OR51M1: variants seen among roughly 807,000 people sequenced by gnomAD.
OR51M1 encodes olfactory receptor 51M1.
For synonymous variants in OR51M1, 199 were observed against 155.1 expected (o/e 1.28, Z -2.10); for missense variants, 509 against 404.4 (o/e 1.26, Z -2.22).
Position 5,392,182 on chromosome 11 carries a change from T to C in OR51M1, c.*1803T>C, listed in dbSNP as rs1232038833. On this transcript the variant is annotated 3_prime_UTR_variant, in exon 3 of 3. Transcript: ENST00000642046. ...ATGTTTGTGTGGTATCTCATGTTTG[T>C]ATGTGTGGGTGTTATCAGACTCTCA... is the stretch of plus-strand genomic sequence containing the variant. The C allele has an allele frequency of 6.6e-6, 1 of 152,270 alleles. No individual in the cohort carries two copies. Among genetic ancestry groups the C allele is most frequent in the African/African-American group, 2.4e-5 (1 of 41,474 alleles). The allele number at this position is 152,270 out of a possible 1,614,324, so 9.4% of individuals were successfully genotyped here. A position where few individuals can be genotyped will look rare whatever the true frequency, so the allele number is the denominator to read the frequency against.
At chr11:5,388,454 G>C (rs1175312646) in intron 2 of OR51M1, among the ~76,000 whole-genome samples, 1 of 150,978 alleles carries the variant, frequency 6.6e-6, no homozygotes, top group Non-Finnish European at 1.5e-5. Context: ...TATATTAGTA[G>C]AAGTTAACTA....
Position 5,389,626 on chromosome 11 carries a change from C to T in OR51M1, c.228C>T (p.Ser76=). 6.2e-7 allele frequency: 1 copy of T among 1,613,738 alleles called. No homozygotes were observed. Residue 76 remains serine, a synonymous_variant, in exon 3 of 3, where the codon TCC becomes TCT. Coordinates refer to ENST00000642046, the MANE Select transcript of OR51M1 (RefSeq NM_001004756.3). ...RLHTPMYYLL[S]LLALTDLGLC... is the part of the protein sequence containing the mutation. ...ACACACCCATGTACTATCTACTATC[C>T]TTGCTGGCCCTCACTGACCTGGGGC...
At chr11:5,387,676 C>T (rs1368861092) in intron 2 of OR51M1, among the ~76,000 whole-genome samples, 1 of 152,124 alleles carries the variant, frequency 6.6e-6, no homozygotes, top group Non-Finnish European at 1.5e-5. Flanking sequence ...GTCTTTTAAA[C>T]TTGTCAAGCT....
rs1849822470 is a variant in OR51M1 at position 5,393,177 on chromosome 11, C to T, written c.*2798C>T. ...TCCTGTTTGCTCACAGTTCTAAATC[C>T]ATCTCCTAGGTCAGTGATCAATAAA... On this transcript the variant is annotated 3_prime_UTR_variant, in exon 3 of 3. Transcript: ENST00000642046. The T allele has an allele frequency of 6.6e-6, 1 of 152,026 alleles. No individual in the cohort carries two copies. The highest frequency in any genetic ancestry group is 1.5e-5 in the Non-Finnish European group (1 of 67,988). The allele number at this position is 152,026 out of a possible 1,614,324, so 9.4% of individuals were successfully genotyped here.
At chr11:5,387,280 C>G (rs1849709785) in intron 2 of OR51M1, among the ~76,000 whole-genome samples, 1 of 151,864 alleles carries the variant, frequency 6.6e-6, no homozygotes, top group Non-Finnish European at 1.5e-5. Flanking sequence ...AACTATTGCA[C>G]AAAAAAATCA....
intron 2 of OR51M1, 63 bp downstream of exon 2, chr11:5,385,521 C>A (rs1849675024): frequency 1.3e-5 from 2 of 151,884 alleles, no homozygotes; most frequent in Admixed American, 1.3e-4. Context: ...TATAGTGGTA[C>A]CTACCACATC....
chr11:5,390,386 G>C lies in OR51M1; in HGVS notation c.*7G>C. On this transcript the variant is annotated 3_prime_UTR_variant, in exon 3 of 3. Transcript: ENST00000642046. ...TAAAAAGGCCAGTAAATGAGTCCTG[G>C]GGCTAAAACTCCCCCTAGAGGCCTA... is the stretch of plus-strand genomic sequence containing the variant. 1 of 1,576,738 alleles carries C rather than the reference G, an allele frequency of 6.3e-7. No individual in the cohort carries two copies. The highest frequency in any genetic ancestry group is 8.6e-7 in the Non-Finnish European group (1 of 1,159,300).
chr11:5,390,684 A>C lies in OR51M1; in HGVS notation c.*305A>C, dbSNP rs1263253095. 1.1e-5 allele frequency: 3 copies of C among 283,096 alleles called. No individual in the cohort carries two copies. The highest frequency in any genetic ancestry group is 1.6e-4 in the South Asian group (2 of 12,466). 17.5% of individuals were successfully genotyped at this position (283,096 alleles called of 1,614,324 possible). A position where few individuals can be genotyped will look rare whatever the true frequency, so the allele number is the denominator to read the frequency against. On this transcript the variant is annotated 3_prime_UTR_variant, in exon 3 of 3. Coordinates refer to ENST00000642046, the MANE Select transcript of OR51M1 (RefSeq NM_001004756.3). ...TAAAATGAAACTAAATAAAAACTAA[A>C]AAGAACAATAAATACCAGAGCACCC...
In OR51M1 at chr11:5,392,709, G is replaced by A. The variant is rs11037205; in HGVS notation, c.*2330G>A. The A allele has an allele frequency of 0.13, 19,374 of 152,260 alleles. 1,352 individuals are homozygous for A. The highest frequency in any genetic ancestry group is 0.16 in the Non-Finnish European group (10,747 of 68,040). The allele number at this position is 152,260 out of a possible 1,614,324, so 9.4% of individuals were successfully genotyped here. A position where few individuals can be genotyped will look rare whatever the true frequency, so the allele number is the denominator to read the frequency against. Reference sequence around the variant, plus strand: ...GGGTGGATCACGAGGTCAGGAGATCGAGACCATCCTGGCTAACACGGTGGA... The same window carrying A: ...GGGTGGATCACGAGGTCAGGAGATCAAGACCATCCTGGCTAACACGGTGGA... On this transcript the variant is annotated 3_prime_UTR_variant, in exon 3 of 3. Coordinates refer to ENST00000642046, the MANE Select transcript of OR51M1 (RefSeq NM_001004756.3).
At position 5,389,651 on chromosome 11, in the gene OR51M1, C is replaced by CTG; in HGVS notation, c.261_262dup (p.Ser88CysfsTer43). 2 of 1,613,638 alleles carry CTG rather than the reference C, an allele frequency of 1.2e-6. No individual in the cohort carries two copies. The highest frequency in any genetic ancestry group is 1.7e-6 in the Non-Finnish European group (2 of 1,179,906). On this transcript the variant is annotated frameshift_variant, in exon 3 of 3. Transcript: ENST00000642046. LOFTEE classifies it low-confidence loss of function (END_TRUNC). ...CTTGCTGGCCCTCACTGACCTGGGG[C>CTG]TGTGTGTGTCCACGTTGCCCACCAC...
chr11:5,389,887 G>A lies in OR51M1; in HGVS notation c.489G>A (p.Arg163=). 2.5e-6 allele frequency: 4 copies of A among 1,612,678 alleles called. No homozygotes were observed. The highest frequency in any genetic ancestry group is 3.4e-6 in the Non-Finnish European group (4 of 1,179,876). ...GAGCAGGCCTAATTGTCATCTTCCG[G>A]GGACCTGTGGCCACTATCCCTATTG... ...VVRAGLIVIF[R]GPVATIPIVL... The change falls in exon 3 of 3, where the codon CGG becomes CGA. Residue 163 remains arginine (R), a synonymous_variant. Coordinates refer to ENST00000642046, the MANE Select transcript of OR51M1 (RefSeq NM_001004756.3).
intron 1 of OR51M1, among the ~76,000 whole-genome samples, chr11:5,385,025 T>C (rs1441296034): frequency 6.6e-6 from 1 of 152,208 alleles, no homozygotes; most frequent in East Asian, 1.9e-4. Flanking sequence ...ATAACTAATA[T>C]TAAATTCAAA....
chr11:5,385,590 A>G (rs941885105), intron 2 of OR51M1, 132 bp downstream of exon 2: 11 of 152,128 alleles, frequency 7.2e-5, no homozygotes, highest in African/African-American at 2.7e-4. Context: ...AACTTAAAAA[A>G]TGAATTATTA....
rs1202646283 is a variant in OR51M1 at position 5,389,869 on chromosome 11, C to A, written c.471C>A (p.Gly157=). 1 of 1,613,596 alleles carries A rather than the reference C, an allele frequency of 6.2e-7. No individual in the cohort carries two copies. The highest frequency in any genetic ancestry group is 1.1e-5 in the South Asian group (1 of 91,078). The change falls in exon 3 of 3, where the codon GGC becomes GGA. Residue 157 remains glycine, a synonymous_variant. Coordinates refer to ENST00000642046, the MANE Select transcript of OR51M1 (RefSeq NM_001004756.3). ...CTGGCCAGCAAGTGGTCAGAGCAGG[C>A]CTAATTGTCATCTTCCGGGGACCTG... ...IITGQQVVRA[G]LIVIFRGPVA... is the part of the protein sequence containing the mutation.
chr11:5,388,451 G>A (rs748154402), intron 2 of OR51M1, among the ~76,000 whole-genome samples: 3 of 151,138 alleles, frequency 2.0e-5, no homozygotes, highest in Non-Finnish European at 4.4e-5. Flanking sequence ...GGTTATATTA[G>A]TAGAAGTTAA....
chr11:5,384,784 A>C (rs1264016940), intron 1 of OR51M1, among the ~76,000 whole-genome samples: 2 of 152,182 alleles, frequency 1.3e-5, no homozygotes, highest in African/African-American at 4.8e-5. Context: ...AATCCAAACA[A>C]CACCTTGTAA....
chr11:5,389,748 ACT>A lies in OR51M1; in HGVS notation c.353_354del (p.Ser118PhefsTer15). 1 of 1,613,216 alleles carries A rather than the reference ACT, an allele frequency of 6.2e-7. No homozygotes were observed. Among genetic ancestry groups the A allele is most frequent in the South Asian group, 1.1e-5 (1 of 91,048 alleles). ...TGTCAAATCCAGATGTTCTGCATCC[ACT>A]CTTTTTCCTTCATGGAGTCCTCAGT... On this transcript the variant is annotated frameshift_variant, in exon 3 of 3. Transcript: ENST00000642046. LOFTEE classifies it low-confidence loss of function (END_TRUNC).
intron 1 of OR51M1, among the ~76,000 whole-genome samples, chr11:5,384,227 T>C (rs1440685694): frequency 1.3e-5 from 2 of 152,288 alleles, no homozygotes; most frequent in East Asian, 3.9e-4. Flanking sequence ...CAGGCTACAG[T>C]GCAGTGGTGT....
Position 5,389,609 on chromosome 11 carries a change from A to G in OR51M1, c.211A>G (p.Met71Val), listed in dbSNP as rs1849758858. 6.2e-7 allele frequency: 1 copy of G among 1,613,772 alleles called. No individual in the cohort carries two copies. ...IKTNPRLHTP[M>V]YYLLSLLALT... ...GACCAACCCTCGTCTGCACACACCC[A>G]TGTACTATCTACTATCCTTGCTGGC... The change falls in exon 3 of 3, where the codon ATG becomes GTG. Residue 71 changes from methionine (M) to valine (V), a missense_variant. Transcript: ENST00000642046.
Sources: allele counts gnomAD v4.1 joint callset (sites outside exome capture counted in the v4.1 genomes callset), GRCh38; gene constraint gnomAD v4.1.1; transcripts MANE v1.5; gene names NCBI Gene and HGNC (gene_info 2026-07-23, HGNC 2026-07-21).